The following MRTFA variants were observed in gnomAD, a reference collection of about 807,000 sequenced individuals.
MRTFA encodes myocardin-related transcription factor A.
MRTFA carries 20 observed loss-of-function variants against 83.5 expected under a neutral mutation model. The observed-to-expected ratio is 0.24, with a 90% CI of 0.17 to 0.35. The LOEUF (loss-of-function observed/expected upper bound fraction) is 0.35, where lower values mean the gene tolerates loss of function less well. Among genes scored for constraint, MRTFA ranks in the 10% least tolerant of loss-of-function variants. MRTFA has a pLI of 1.00. For synonymous variants in MRTFA, 659 were observed against 541.2 expected (o/e 1.22, Z -3.02); for missense variants, 1,200 against 1,224.7 (o/e 0.98, Z 0.30).
At chr22:40,618,111 G>A (rs1208987796) in intron 1 of MRTFA, among the ~76,000 whole-genome samples, 1 of 151,178 alleles carries the variant, frequency 6.6e-6, no homozygotes, top group African/African-American at 2.4e-5. Context: ...GTCTCGCTCT[G>A]TTGCCCAGGC....
intron 4 of MRTFA, among the ~76,000 whole-genome samples, chr22:40,460,446 G>T (rs2147148071): frequency 6.6e-6 from 1 of 152,330 alleles, no homozygotes; most frequent in Admixed American, 6.5e-5. Context: ...ATTACAGTTA[G>T]TAGCCCATGT....
chr22:40,418,199 T>C (rs2052728370), intron 12 of MRTFA, among the ~76,000 whole-genome samples, 175 bp downstream of exon 12: 2 of 151,972 alleles, frequency 1.3e-5, no homozygotes, highest in African/African-American at 4.8e-5. Context: ...AGCTAGGGGG[T>C]CTGAGGCAGG....
At chr22:40,604,946 G>C (rs147331808) in intron 1 of MRTFA, among the ~76,000 whole-genome samples, 115 of 152,176 alleles carry the variant, frequency 7.6e-4, no homozygotes, top group African/African-American at 2.7e-3. Flanking sequence ...AACAAGAAGA[G>C]ACTAATCTAT....
intron 3 of MRTFA, among the ~76,000 whole-genome samples, chr22:40,511,041 C>G (rs764701978): frequency 1.7e-4 from 26 of 152,018 alleles, no homozygotes; most frequent in Non-Finnish European, 3.2e-4. Context: ...TGGAAGAATT[C>G]TGAGCAGGAG....
chr22:40,499,133 T>C (rs2054412121), intron 3 of MRTFA, among the ~76,000 whole-genome samples: 1 of 152,214 alleles, frequency 6.6e-6, no homozygotes, highest in Non-Finnish European at 1.5e-5. Flanking sequence ...TAAATTCACA[T>C]CTTAGTGAAT....
chr22:40,626,756 T>C (rs888245809), intron 1 of MRTFA, among the ~76,000 whole-genome samples: 3 of 151,880 alleles, frequency 2.0e-5, no homozygotes, highest in Non-Finnish European at 1.5e-5. Context: ...TCCCAACACT[T>C]TGAGAGTTCA....
chr22:40,480,638 G>A (rs1027216867), intron 3 of MRTFA, among the ~76,000 whole-genome samples: 3 of 151,940 alleles, frequency 2.0e-5, no homozygotes, highest in Non-Finnish European at 2.9e-5. Context: ...ACAGGATAAC[G>A]GTGGTCACAT....
rs961179686 is a variant in MRTFA, at chr22:40,488,123, T to C, written c.242-24837A>G. On this transcript the variant is annotated intron_variant, in intron 3 of 14. Transcript: ENST00000355630. ...TACAAGTGCTTTAAGAGTTTGCAGA[T>C]AATACATTACTAGAGTACAAAAGGG... is the stretch of plus-strand genomic sequence containing the variant. Among the ~76,000 whole-genome samples, 8 of 152,326 alleles carry C rather than the reference T, an allele frequency of 5.3e-5. No homozygotes were observed. In the South Asian group the frequency reaches 1.4e-3, roughly 28 times the overall value.
chr22:40,449,035 G>A (rs1297667913), intron 4 of MRTFA, among the ~76,000 whole-genome samples: 1 of 152,182 alleles, frequency 6.6e-6, no homozygotes, highest in Non-Finnish European at 1.5e-5. Flanking sequence ...GGAGGCCGAG[G>A]CGGGTGGATC....
At chr22:40,427,326 G>C (rs960995125) in intron 7 of MRTFA, among the ~76,000 whole-genome samples, 1 of 152,198 alleles carries the variant, frequency 6.6e-6, no homozygotes, top group African/African-American at 2.4e-5. Flanking sequence ...TCCGGGCCCA[G>C]TGTGGGCCAG....
intron 3 of MRTFA, among the ~76,000 whole-genome samples, chr22:40,476,724 G>C (rs1051811874): frequency 1.3e-5 from 2 of 152,160 alleles, no homozygotes; most frequent in African/African-American, 4.8e-5. Flanking sequence ...AAGTGCTGGA[G>C]TACAGATATG....
chr22:40,426,931 G>A (rs374334908), intron 7 of MRTFA, among the ~76,000 whole-genome samples: 11 of 152,340 alleles, frequency 7.2e-5, no homozygotes, highest in African/African-American at 1.7e-4. Flanking sequence ...CACAAGGCAG[G>A]TGACTCAGAG....
intron 1 of MRTFA, among the ~76,000 whole-genome samples, chr22:40,607,488 A>G (rs1009338105): frequency 2.6e-4 from 39 of 147,682 alleles, no homozygotes; most frequent in African/African-American, 9.7e-4. Flanking sequence ...TGGGCGACAG[A>G]GCGAGACTCC....
chr22:40,461,320 G>C (rs1033524742), intron 4 of MRTFA, among the ~76,000 whole-genome samples: 2 of 150,160 alleles, frequency 1.3e-5, no homozygotes, highest in Non-Finnish European at 3.0e-5. Flanking sequence ...GGTCCATTCT[G>C]ACTTGCTTAA....
chr22:40,418,732 G>A lies in MRTFA; in HGVS notation c.2006C>T (p.Ala669Val), dbSNP rs776466952. The change falls in exon 12 of 15, where the codon GCC becomes GTC. Residue 669 changes from alanine (A) to valine (V), a missense_variant. By Grantham distance (64) the Ala-to-Val change is moderately conservative. Transcript: ENST00000355630. The stretch of plus-strand genomic sequence containing the variant: ...CTGCTTCACGGGGGTGCCGAGGGGG[G>A]CGGGGGCGGGGGCGGGCTGCTGGGC... 1.7e-4 allele frequency: 251 copies of A among 1,455,512 alleles called. No homozygotes were observed. Among genetic ancestry groups the A allele is most frequent in the Non-Finnish European group, 2.2e-4 (244 of 1,103,216 alleles). 90.2% of individuals were successfully genotyped at this position (1,455,512 alleles called of 1,614,324 possible).
At chr22:40,593,330 T>G (rs2056147244) in intron 2 of MRTFA, among the ~76,000 whole-genome samples, 1 of 152,218 alleles carries the variant, frequency 6.6e-6, no homozygotes, top group Non-Finnish European at 1.5e-5. Context: ...CTTGAAAAGC[T>G]GTAATATCAA....
At chr22:40,417,959 C>T (rs1165605037) in intron 12 of MRTFA, among the ~76,000 whole-genome samples, 1 of 152,168 alleles carries the variant, frequency 6.6e-6, no homozygotes, top group African/African-American at 2.4e-5. Context: ...TTGGTGGGGA[C>T]AGCTAGCCTC....
At chr22:40,498,265 A>ATT (rs1569297873) in intron 3 of MRTFA, among the ~76,000 whole-genome samples, 1 of 89,582 alleles carries the variant, frequency 1.1e-5, no homozygotes, top group African/African-American at 5.1e-5. Context: ...ATATATATAT[A>ATT]TATATATATT....
rs142851268 is a variant in MRTFA, at chr22:40,543,547, C to T, written c.241+8559G>A. Among the ~76,000 whole-genome samples, 296 of 152,262 alleles carry T rather than the reference C, an allele frequency of 1.9e-3. 3 individuals carry two copies. The East Asian group carries it at 0.025, about 13-fold the overall frequency. On this transcript the variant is annotated intron_variant, in intron 3 of 14. Coordinates refer to ENST00000355630, the MANE Select transcript of MRTFA (RefSeq NM_020831.6). The stretch of plus-strand genomic sequence containing the variant: ...ATTACAGACACACATAGAACTGCAC[C>T]TTTACATCTCTCAGAACAATATCTG...
Sources: allele counts gnomAD v4.1 joint callset (sites outside exome capture counted in the v4.1 genomes callset), GRCh38; gene constraint gnomAD v4.1.1; transcripts MANE v1.5; gene names NCBI Gene and HGNC (gene_info 2026-07-23, HGNC 2026-07-21).